The following SOX6 variants were observed in gnomAD, a reference collection of about 807,000 sequenced individuals.
SOX6 encodes transcription factor SOX-6.
In SOX6, 11 loss-of-function variants were observed where a neutral mutation model predicts 97.8. The observed-to-expected ratio is 0.11, with a 90% CI of 0.07 to 0.19. The LOEUF (loss-of-function observed/expected upper bound fraction) is 0.19. SOX6 is among the 10% of genes least tolerant of loss of function. The pLI, the probability that SOX6 is intolerant of heterozygous loss-of-function variation, is 1.00. For synonymous variants in SOX6, 360 were observed against 371.4 expected, an observed-to-expected ratio of 0.97 and a Z score of 0.35; for missense variants, 810 against 1,039.5, an observed-to-expected ratio of 0.78 and a Z score of 3.04.
intron 3 of SOX6, among the ~76,000 whole-genome samples, chr11:16,620,913 T>C (rs1367506503): frequency 6.6e-6 from 1 of 151,994 alleles, no homozygotes; most frequent in Non-Finnish European, 1.5e-5. Context: ...GACTTGTTCT[T>C]ATTTTATTTC....
intron 3 of SOX6, chr11:16,317,203 G>C (rs557105811): frequency 6.6e-6 from 1 of 151,048 alleles, no homozygotes; most frequent in African/African-American, 2.4e-5. Context: ...ATCACTAGGG[G>C]CATTATTATA....
chr11:16,305,625 T>G (rs1855405723), intron 3 of SOX6, among the ~76,000 whole-genome samples: 1 of 152,206 alleles, frequency 6.6e-6, no homozygotes, highest in Non-Finnish European at 1.5e-5. Context: ...TTATTTGTAA[T>G]AGTCAAAAAC....
intron 2 of SOX6, among the ~76,000 whole-genome samples, chr11:16,336,797 TTGTTTTC>T (rs1262421077): frequency 3.9e-5 from 6 of 152,170 alleles, no homozygotes; most frequent in Admixed American, 1.3e-4. Context: ...AGCCACTCTG[TTGTTTTC>T]TGTTTCTCAA....
exon 2 of SOX6, chr11:16,736,342 T>C (rs539799262): frequency 2.6e-5 from 4 of 152,360 alleles, no homozygotes; most frequent in African/African-American, 9.6e-5. Context: ...TCCTTACCTA[T>C]AGCCTTCTGT....
intron 1 of SOX6, among the ~76,000 whole-genome samples, chr11:16,389,215 T>C (rs1858085808): frequency 6.6e-6 from 1 of 152,138 alleles, no homozygotes; most frequent in South Asian, 2.1e-4. Context: ...CTCAAGTAGC[T>C]AGGACTATAG....
At chr11:16,182,680 CA>C (rs1484291665) in intron 6 of SOX6, among the ~76,000 whole-genome samples, 2 of 151,752 alleles carry the variant, frequency 1.3e-5, no homozygotes, top group African/African-American at 2.4e-5. Context: ...CTGAATACGA[CA>C]AAAACCAACA....
chr11:16,217,072 G>GT (rs1315575504), intron 4 of SOX6, among the ~76,000 whole-genome samples: 2 of 152,206 alleles, frequency 1.3e-5, no homozygotes, highest in African/African-American at 4.8e-5. Flanking sequence ...GTGAAAGCCT[G>GT]TATTTAAGCA....
intron 6 of SOX6, among the ~76,000 whole-genome samples, chr11:16,132,381 AG>A (rs1436838888): frequency 3.1e-5 from 3 of 97,814 alleles, no homozygotes; most frequent in South Asian, 3.4e-4. Context: ...AAAGAAAGAA[AG>A]AAAGAAAGAA....
At chr11:16,132,566 G>A (rs1389558168) in intron 6 of SOX6, among the ~76,000 whole-genome samples, 3 of 151,912 alleles carry the variant, frequency 2.0e-5, no homozygotes, top group Non-Finnish European at 4.4e-5. Context: ...TCTCTTTTGT[G>A]GGTAAAGGTG....
At chr11:16,518,488 T>C (rs1861009070) in intron 4 of SOX6, among the ~76,000 whole-genome samples, 1 of 152,200 alleles carries the variant, frequency 6.6e-6, no homozygotes, top group South Asian at 2.1e-4. Context: ...ACCTATTGTC[T>C]TCTTCACTAG....
At chr11:16,010,075 C>T (rs987285711) in intron 13 of SOX6, among the ~76,000 whole-genome samples, 1 of 136,340 alleles carries the variant, frequency 7.3e-6, no homozygotes, top group Non-Finnish European at 1.5e-5. Context: ...GAGCTTAAGC[C>T]GAAAATAAAA....
chr11:16,548,393 A>G (rs1255518989), intron 4 of SOX6, among the ~76,000 whole-genome samples: 2 of 152,184 alleles, frequency 1.3e-5, no homozygotes, highest in African/African-American at 2.4e-5. Flanking sequence ...AATTTTTAAT[A>G]TCTTCAAAAG....
chr11:16,408,244 A>G (rs73433521), intron 1 of SOX6, among the ~76,000 whole-genome samples: 8,847 of 152,280 alleles, frequency 0.058, 799 homozygotes, highest in African/African-American at 0.19. Flanking sequence ...CTCTTCTGAA[A>G]GGAAGCAGCT....
chr11:16,277,346 G>C (rs1384942356), intron 3 of SOX6, among the ~76,000 whole-genome samples: 1 of 152,058 alleles, frequency 6.6e-6, no homozygotes, highest in East Asian at 1.9e-4. Context: ...AGGATGCAGG[G>C]AGAAGACAGA....
intron 9 of SOX6, among the ~76,000 whole-genome samples, chr11:16,075,278 G>A (rs1249775810): frequency 2.0e-5 from 3 of 152,116 alleles, no homozygotes; most frequent in Non-Finnish European, 4.4e-5. Context: ...CATGGCTTGG[G>A]AGACCTCACA....
In SOX6 at chr11:16,496,808, CA is replaced by C. The variant is rs1360823075; in HGVS notation, n.610-20421del. On this transcript the variant is annotated intron_variant and non_coding_transcript_variant, in intron 4 of 5. Coordinates refer to the SOX6 transcript ENST00000524520. ...CACTGCTGAGGCTTGAGTAGGTAAA[CA>C]AAGCCACTGGGAAGCTCAAACTGGG... is the stretch of plus-strand genomic sequence containing the variant. Among the ~76,000 whole-genome samples the C allele has an allele frequency of 4.6e-5, 7 of 152,308 alleles. No individual in the cohort carries two copies. In the South Asian group the frequency reaches 1.5e-3, roughly 32 times the overall value.
intron 1 of SOX6, among the ~76,000 whole-genome samples, chr11:16,441,861 A>G (rs1280828478): frequency 6.6e-6 from 1 of 152,186 alleles, no homozygotes; most frequent in African/African-American, 2.4e-5. Context: ...ATCATCCTTA[A>G]TAACTGAAGA....
chr11:16,354,353 T>C (rs916103469), intron 1 of SOX6, among the ~76,000 whole-genome samples: 5 of 152,026 alleles, frequency 3.3e-5, no homozygotes, highest in African/African-American at 9.7e-5. Flanking sequence ...AAAAAGATTC[T>C]GAATTTTTAC....
At chr11:16,551,614 A>T (rs987182747) in intron 4 of SOX6, among the ~76,000 whole-genome samples, 18 of 151,868 alleles carry the variant, frequency 1.2e-4, no homozygotes, top group African/African-American at 2.9e-4. Flanking sequence ...AAATATATAT[A>T]TTTTTTTGAG....
Sources: allele counts gnomAD v4.1 joint callset (sites outside exome capture counted in the v4.1 genomes callset), GRCh38; gene constraint gnomAD v4.1.1; transcripts MANE v1.5; gene names NCBI Gene and HGNC (gene_info 2026-07-23, HGNC 2026-07-21).